RTN4: variants seen among roughly 807,000 people sequenced by gnomAD.
RTN4 encodes the protein reticulon-4.
RTN4 carries 32 observed loss-of-function variants against 90.4 expected under a neutral mutation model. That is an observed-to-expected ratio of 0.35 (90% CI 0.27 to 0.48). The LOEUF is 0.48. Among genes scored for constraint, RTN4 ranks in the 20% least tolerant of loss-of-function variants. The pLI is 0.99. For missense variants in RTN4, 1,706 were observed against 1,430.2 expected (o/e 1.19, Z -3.11); for synonymous variants, 629 against 552.5 (o/e 1.14, Z -1.94).
chr2:55,096,723 C>T (rs1227099848), intron 1 of RTN4, among the ~76,000 whole-genome samples: 1 of 152,154 alleles, frequency 6.6e-6, no homozygotes, highest in East Asian at 1.9e-4. Context: ...GTTTTGGCTC[C>T]TGCCCTGAGA....
intron 2 of RTN4, among the ~76,000 whole-genome samples, chr2:55,057,459 A>G (rs1668209424): frequency 6.6e-6 from 1 of 152,256 alleles, no homozygotes; most frequent in African/African-American, 2.4e-5. Flanking sequence ...CACCTAGCAC[A>G]GAGTCAGGCA....
At chr2:55,085,852 T>C (rs1256531250) in intron 1 of RTN4, among the ~76,000 whole-genome samples, 1 of 152,228 alleles carries the variant, frequency 6.6e-6, no homozygotes, top group African/African-American at 2.4e-5. Flanking sequence ...TGTTGGATCA[T>C]AACAAATCAA....
At chr2:55,091,823 C>G (rs1468614207) in intron 1 of RTN4, among the ~76,000 whole-genome samples, 6 of 140,906 alleles carry the variant, frequency 4.3e-5, no homozygotes, top group Non-Finnish European at 9.2e-5. Context: ...AAAGGCATTT[C>G]TTACATGGCA....
intron 5 of RTN4, among the ~76,000 whole-genome samples, chr2:54,977,511 T>C (rs1677736055): frequency 6.6e-6 from 1 of 150,710 alleles, no homozygotes; most frequent in Non-Finnish European, 1.5e-5. Context: ...TGAAAATACC[T>C]GGTCTTAGTC....
chr2:55,105,801 C>G (rs1268729502), intron 1 of RTN4, among the ~76,000 whole-genome samples: 1 of 151,848 alleles, frequency 6.6e-6, no homozygotes. Flanking sequence ...GAGAGACACC[C>G]CGCCCCAGAC....
chr2:55,022,901 A>G (rs1681546557), intron 3 of RTN4, among the ~76,000 whole-genome samples: 1 of 150,776 alleles, frequency 6.6e-6, no homozygotes, highest in African/African-American at 2.4e-5. Flanking sequence ...CATCCAACAC[A>G]CACACACACA....
intron 5 of RTN4, among the ~76,000 whole-genome samples, chr2:54,979,211 G>A (rs1677919047): frequency 7.4e-6 from 1 of 135,736 alleles, no homozygotes; most frequent in African/African-American, 2.8e-5. Flanking sequence ...GGCGACCATG[G>A]CTGGCTGATT....
At chr2:55,075,123 T>C (rs144505935) in intron 2 of RTN4, among the ~76,000 whole-genome samples, 2,146 of 152,300 alleles carry the variant, frequency 0.014, 31 homozygotes, top group Non-Finnish European at 0.024. Flanking sequence ...AAATTGGTAA[T>C]GAGGAAGTCA....
At chr2:55,050,688 T>C (rs1418590959), upstream of RTN4, 1 of 163,520 alleles carries the variant, frequency 6.1e-6, no homozygotes, top group Non-Finnish European at 1.3e-5. This position sits in a 1 kb window ranked among gnomAD's most constrained non-coding sequence, Gnocchi z 4.6. Context: ...TGAAAGTGGG[T>C]GGGGACTACG....
At chr2:55,018,466 T>C (rs1332782231) in intron 3 of RTN4, among the ~76,000 whole-genome samples, 2 of 151,964 alleles carry the variant, frequency 1.3e-5, no homozygotes, top group Non-Finnish European at 2.9e-5. Context: ...TTTGACTATA[T>C]ACATTCCATC....
chr2:55,020,577 A>C (rs1681355554), intron 3 of RTN4, among the ~76,000 whole-genome samples: 1 of 152,214 alleles, frequency 6.6e-6, no homozygotes, highest in African/African-American at 2.4e-5. Context: ...ACCAGAATTC[A>C]TTAGTTTCTT....
In RTN4 at chr2:55,057,760, G is replaced by A. The variant is rs113753050; in HGVS notation, c.-63+22729C>T. On this transcript the variant is annotated intron_variant, in intron 2 of 3. Transcript: ENST00000427710. ...AGCACCTAGGGAGGCCAAAGCAGAG[G>A]CTTGCTTGAGGCCAGTAGTTTGAGA... Among the ~76,000 whole-genome samples the A allele has an allele frequency of 8.0e-3, 1,218 of 152,270 alleles. 13 individuals carry two copies. Among genetic ancestry groups the A allele is most frequent in the Non-Finnish European group, 0.011 (744 of 68,022 alleles).
At chr2:55,131,359 C>G in the RTN4 span, among the ~76,000 whole-genome samples, 2 of 152,034 alleles carry the variant, frequency 1.3e-5, no homozygotes, top group African/African-American at 4.8e-5. Flanking sequence ...CAGGCATGCA[C>G]CACCATACCC....
At chr2:55,045,376 C>T (rs1481420000) in intron 1 of RTN4, among the ~76,000 whole-genome samples, 1 of 152,198 alleles carries the variant, frequency 6.6e-6, no homozygotes. Flanking sequence ...AAGCGTGCTT[C>T]TTATACTCTT....
At chr2:55,130,079 A>C in the RTN4 span, among the ~76,000 whole-genome samples, 3 of 152,202 alleles carry the variant, frequency 2.0e-5, no homozygotes, top group Non-Finnish European at 4.4e-5. Context: ...TTGTTTGTGA[A>C]GGCATAAAAT....
chr2:55,108,279 T>C (rs936445630), intron 1 of RTN4, among the ~76,000 whole-genome samples: 1 of 152,152 alleles, frequency 6.6e-6, no homozygotes, highest in East Asian at 1.9e-4. Flanking sequence ...TATAGATATA[T>C]GGACAGCTAT....
the RTN4 span, among the ~76,000 whole-genome samples, chr2:55,132,581 G>T: frequency 6.6e-6 from 1 of 151,676 alleles, no homozygotes; most frequent in South Asian, 2.1e-4. Flanking sequence ...GGAGGCCAAG[G>T]GAGGCAGGCT....
chr2:55,054,833 C>T (rs553661042), upstream of RTN4, among the ~76,000 whole-genome samples: 3 of 152,278 alleles, frequency 2.0e-5, no homozygotes, highest in Admixed American at 6.5e-5. Context: ...TAACAGCGTG[C>T]TAAGTTGTTG....
At chr2:55,037,845 A>T (rs534672533) in intron 1 of RTN4, among the ~76,000 whole-genome samples, 2 of 152,200 alleles carry the variant, frequency 1.3e-5, no homozygotes, top group African/African-American at 4.8e-5. Flanking sequence ...GACACAAAAC[A>T]ATTTTGAAAA....
Sources: gnomAD v4.1 joint callset for allele counts (sites outside exome capture counted in the v4.1 genomes callset) on GRCh38, gnomAD v4.1.1 for gene constraint, Gnocchi (gnomAD v3.1) non-coding constraint, MANE v1.5 for transcripts, NCBI Gene and HGNC (gene_info 2026-07-23, HGNC 2026-07-21) for gene names.